Variants in TRABD2B observed in about 807,000 individuals in gnomAD.
The protein encoded by TRABD2B is TraB domain containing 2B.
Under a neutral mutation model 40.1 loss-of-function variants are expected in TRABD2B, and 14 were observed. The observed-to-expected ratio is 0.35, with a 90% CI of 0.23 to 0.55. The LOEUF (loss-of-function observed/expected upper bound fraction) is 0.55. Among genes scored for constraint, TRABD2B ranks in the 20% least tolerant of loss-of-function variants. TRABD2B has a pLI of 0.90. For missense variants in TRABD2B, 541 were observed against 648.6 expected (o/e 0.83, Z 1.80); for synonymous variants, 263 against 277.0 (o/e 0.95, Z 0.50).
chr1:47,781,650 C>T (rs1644525000), intron 4 of TRABD2B, among the ~76,000 whole-genome samples: 1 of 152,250 alleles, frequency 6.6e-6, no homozygotes. Flanking sequence ...TTCCCATTCT[C>T]TCCTTCTCTA....
At chr1:47,791,344 G>A (rs1644669172) in intron 4 of TRABD2B, among the ~76,000 whole-genome samples, 1 of 152,230 alleles carries the variant, frequency 6.6e-6, no homozygotes, top group African/African-American at 2.4e-5. Context: ...CACCTGGCAA[G>A]GCTGGGTTGG....
chr1:47,801,409 T>C lies in TRABD2B; in HGVS notation c.813+64A>G. 1.2e-5 allele frequency: 18 copies of C among 1,475,814 alleles called. No individual in the cohort carries two copies. The South Asian group carries it at 1.9e-4, about 15-fold the overall frequency. The allele number at this position is 1,475,814 out of a possible 1,614,324, so 91.4% of individuals were successfully genotyped here. On this transcript the variant is annotated intron_variant, in intron 3 of 6. Transcript: ENST00000606738. ...CCATGGCTGGAGAGAAGATTACCTA[T>C]GCCTGGCACGTCATAGGGATCTAAT... is the stretch of plus-strand genomic sequence containing the variant.
chr1:47,823,113 T>A (rs1359438577), intron 2 of TRABD2B, among the ~76,000 whole-genome samples: 1 of 152,164 alleles, frequency 6.6e-6, no homozygotes, highest in Non-Finnish European at 1.5e-5. Context: ...TGTGATAGGG[T>A]CTTGCTGTGC....
chr1:47,936,596 AG>A (rs1209886635), intron 2 of TRABD2B, among the ~76,000 whole-genome samples: 3 of 151,992 alleles, frequency 2.0e-5, no homozygotes, highest in Non-Finnish European at 2.9e-5. Flanking sequence ...AAGGATAATA[AG>A]TTTTAAAAAT....
At chr1:47,958,663 A>G (rs199698380) in intron 2 of TRABD2B, among the ~76,000 whole-genome samples, 38,088 of 151,930 alleles carry the variant, frequency 0.25, 4,774 homozygotes, top group Admixed American at 0.28. Context: ...AGAGCTAACT[A>G]TCCTAAATAT....
chr1:47,957,672 A>G (rs1287449230), intron 2 of TRABD2B, among the ~76,000 whole-genome samples: 1 of 152,214 alleles, frequency 6.6e-6, no homozygotes, highest in Non-Finnish European at 1.5e-5. Context: ...AAGAGTAAAA[A>G]GAAACAAAAA....
intron 2 of TRABD2B, among the ~76,000 whole-genome samples, chr1:47,889,195 G>A (rs948129986): frequency 5.9e-5 from 9 of 152,196 alleles, no homozygotes. Context: ...GAATCCTTCT[G>A]AGATCCACAA....
intron 2 of TRABD2B, among the ~76,000 whole-genome samples, chr1:47,802,185 C>A (rs1644832677): frequency 6.6e-6 from 1 of 152,204 alleles, no homozygotes; most frequent in Non-Finnish European, 1.5e-5. Flanking sequence ...GTCCTCGGGG[C>A]CACCGTGCCT....
chr1:47,970,037 C>G (rs1398833523), intron 2 of TRABD2B, among the ~76,000 whole-genome samples: 1 of 152,104 alleles, frequency 6.6e-6, no homozygotes, highest in Non-Finnish European at 1.5e-5. Context: ...CTATCCAGCC[C>G]TGACCCCACA....
chr1:47,878,601 C>T (rs904542077), intron 2 of TRABD2B, among the ~76,000 whole-genome samples: 2 of 152,166 alleles, frequency 1.3e-5, no homozygotes, highest in Non-Finnish European at 2.9e-5. Flanking sequence ...ATTTATATGA[C>T]ACTACTACAT....
intron 2 of TRABD2B, among the ~76,000 whole-genome samples, chr1:47,863,372 TTATATATATA>T (rs201881656): frequency 1.5e-5 from 1 of 66,496 alleles, no homozygotes; most frequent in African/African-American, 5.3e-5. Context: ...CTATATAATT[TTATATATATA>T]TATATATATA....
rs1369296714 is a variant in TRABD2B, at chr1:47,801,369, G to A, written c.813+104C>T. On this transcript the variant is annotated intron_variant, in intron 3 of 6. Coordinates refer to ENST00000606738, the MANE Select transcript of TRABD2B (RefSeq NM_001194986.2). ...TCCCCACCTATAAAAGGGGAATAAC[G>A]ATAGCTCCTTCTTGCCATGGCTGGA... 4.0e-6 allele frequency: 5 copies of A among 1,246,930 alleles called. No individual in the cohort carries two copies. The Admixed American group carries it at 6.8e-5, about 17-fold the overall frequency. The allele number at this position is 1,246,930 out of a possible 1,614,324, so 77.2% of individuals were successfully genotyped here. A position where few individuals can be genotyped will look rare whatever the true frequency, so the allele number is the denominator to read the frequency against.
intron 2 of TRABD2B, among the ~76,000 whole-genome samples, chr1:47,981,497 T>G (rs763558595): frequency 1.3e-5 from 2 of 152,108 alleles, no homozygotes; most frequent in South Asian, 4.1e-4. Flanking sequence ...GAGACTGCCA[T>G]GAGGATTAAG....
chr1:47,793,809 A>G (rs1289434178), intron 4 of TRABD2B, among the ~76,000 whole-genome samples: 1 of 152,162 alleles, frequency 6.6e-6, no homozygotes, highest in African/African-American at 2.4e-5. Flanking sequence ...GAGGGAGGAG[A>G]GGAAAAATGA....
intron 2 of TRABD2B, among the ~76,000 whole-genome samples, chr1:47,843,211 G>A (rs371826999): frequency 5.8e-4 from 88 of 152,226 alleles, no homozygotes; most frequent in African/African-American, 2.0e-3. Context: ...GTTTTAAGCC[G>A]GGGGCATAAG....
chr1:47,855,955 C>A (rs1643885620), intron 2 of TRABD2B, among the ~76,000 whole-genome samples: 1 of 152,182 alleles, frequency 6.6e-6, no homozygotes, highest in East Asian at 1.9e-4. Context: ...GTTATAGCAG[C>A]CTTAGTGGAT....
chr1:47,939,170 T>C (rs1416696198), intron 2 of TRABD2B, among the ~76,000 whole-genome samples: 1 of 152,060 alleles, frequency 6.6e-6, no homozygotes, highest in Admixed American at 6.5e-5. Context: ...TATCATTAAT[T>C]AGTAAGTTCC....
At chr1:47,886,255 C>T (rs1284509899) in intron 2 of TRABD2B, among the ~76,000 whole-genome samples, 1 of 152,228 alleles carries the variant, frequency 6.6e-6, no homozygotes, top group Non-Finnish European at 1.5e-5. Context: ...GGGATCTCCA[C>T]TCCTCCAAGC....
At chr1:47,957,089 A>G (rs1453585971) in intron 2 of TRABD2B, among the ~76,000 whole-genome samples, 1 of 152,252 alleles carries the variant, frequency 6.6e-6, no homozygotes, top group Non-Finnish European at 1.5e-5. Context: ...ACACCCAGGC[A>G]AACAGTGTCT....
Sources: gnomAD v4.1 joint callset for allele counts (sites outside exome capture counted in the v4.1 genomes callset) on GRCh38, gnomAD v4.1.1 for gene constraint, MANE v1.5 for transcripts, NCBI Gene and HGNC (gene_info 2026-07-23, HGNC 2026-07-21) for gene names.